FBXO17: variants seen among roughly 807,000 people sequenced by gnomAD.
FBXO17 encodes the protein F-box only protein 17.
In FBXO17, 43 loss-of-function variants were observed where a neutral mutation model predicts 34.1. The ratio of observed to expected loss-of-function variants is 1.26; its 90% CI spans 0.99 to 1.62. The LOEUF is 1.62. Ranked by LOEUF, FBXO17 falls within the 40% of genes most tolerant of loss-of-function variation. The pLI is 0.00. For synonymous variants in FBXO17, 169 were observed against 166.0 expected (o/e 1.02, Z -0.14); for missense variants, 424 against 386.7 (o/e 1.10, Z -0.81).
intron 1 of FBXO17, among the ~76,000 whole-genome samples, chr19:38,971,316 G>A (rs1975388158): frequency 6.6e-6 from 1 of 152,064 alleles, no homozygotes; most frequent in Non-Finnish European, 1.5e-5. Flanking sequence ...AGGAGTCCAC[G>A]TGGGCACCTC....
intron 1 of FBXO17, among the ~76,000 whole-genome samples, chr19:38,974,061 C>T (rs1396299122): frequency 6.8e-6 from 1 of 147,314 alleles, no homozygotes; most frequent in Non-Finnish European, 1.5e-5. Context: ...TATATATACA[C>T]ACATATATAT....
rs748678008 is a variant in FBXO17, at chr19:38,946,451, A to T, written c.557+21T>A. The T allele has an allele frequency of 1.1e-5, 18 of 1,613,534 alleles. No individual in the cohort carries two copies. The East Asian group carries it at 3.6e-4, about 32-fold the overall frequency. The stretch of plus-strand genomic sequence containing the variant: ...GCCAAGCCTGCTGCTGCTCTGGGGC[A>T]GGGTGCCGCTCCTCACTCACCAGTC... On this transcript the variant is annotated intron_variant, in intron 4 of 5. Coordinates refer to ENST00000292852, the MANE Select transcript of FBXO17 (RefSeq NM_024907.7).
At chr19:38,955,484 CTT>C (rs1223708955) in intron 1 of FBXO17, among the ~76,000 whole-genome samples, 9 of 133,674 alleles carry the variant, frequency 6.7e-5, no homozygotes, top group African/African-American at 8.1e-5. Flanking sequence ...TTCTTTCTTT[CTT>C]TTTTTTTTTT....
chr19:38,966,293 T>TTGTGTGTGGGTGTG (rs1975319820), intron 1 of FBXO17, among the ~76,000 whole-genome samples: 1 of 142,942 alleles, frequency 7.0e-6, no homozygotes, highest in African/African-American at 2.6e-5. Flanking sequence ...ATTAAAAATT[T>TTGTGTGTGGGTGTG]TGTGTGTGTG....
intron 1 of FBXO17, among the ~76,000 whole-genome samples, chr19:38,960,547 C>T (rs1397024670): frequency 6.6e-6 from 1 of 152,116 alleles, no homozygotes; most frequent in Non-Finnish European, 1.5e-5. Flanking sequence ...CTCGCTCTGT[C>T]CCCCAGGCTA....
chr19:38,947,967 GGCAAAAGCGACTCCATCTTGGGT>G (rs1241634796), intron 3 of FBXO17, among the ~76,000 whole-genome samples: 5 of 151,268 alleles, frequency 3.3e-5, no homozygotes, highest in Non-Finnish European at 7.4e-5. Flanking sequence ...TCCTTGTGGA[GGCAAAAGCGACTCCATCTTGGGT>G]GCTAATCTGC....
At position 38,971,097 on chromosome 19, in the gene FBXO17, C is replaced by CAAA. The variant is rs36006162; in HGVS notation, c.-18+4486_-18+4488dup. Among the ~76,000 whole-genome samples the CAAA allele has an allele frequency of 1.6e-3, 192 of 122,462 alleles. 3 individuals carry two copies. Among genetic ancestry groups the CAAA allele is most frequent in the African/African-American group, 5.6e-3 (181 of 32,334 alleles). The allele number at this position is 122,462 out of a possible 152,430, so 80.3% of individuals were successfully genotyped here. Reference sequence around the variant, plus strand: ...CTGGGTGACAAAGGAGAGTCCATCTCAAAAAAAAAAAAAAAAAATTCAAAG... The same window carrying CAAA: ...CTGGGTGACAAAGGAGAGTCCATCTCAAAAAAAAAAAAAAAAAAAAATTCAAAG... On this transcript the variant is annotated intron_variant, in intron 1 of 5. Transcript: ENST00000292852.
chr19:38,949,032 C>T (rs373251589), intron 2 of FBXO17, among the ~76,000 whole-genome samples: 3 of 152,152 alleles, frequency 2.0e-5, no homozygotes, highest in African/African-American at 7.2e-5. Flanking sequence ...TGGGCTCAAG[C>T]GATCCTCCCA....
intron 1 of FBXO17, chr19:38,952,884 AC>A (rs1181914441): frequency 4.4e-6 from 2 of 454,316 alleles, no homozygotes. Flanking sequence ...CCAGTGCCCC[AC>A]TCGCATGATC....
chr19:38,974,449 G>C (rs1215986589), intron 1 of FBXO17, among the ~76,000 whole-genome samples: 1 of 151,952 alleles, frequency 6.6e-6, no homozygotes, highest in Non-Finnish European at 1.5e-5. Context: ...ACAGATACTA[G>C]GTATATTTAA....
In FBXO17 at chr19:38,942,683, G is replaced by A. The variant is rs765768513; in HGVS notation, c.762C>T (p.Asp254=). The A allele has an allele frequency of 3.5e-5, 56 of 1,602,684 alleles. No individual in the cohort carries two copies. Among genetic ancestry groups the A allele is most frequent in the Non-Finnish European group, 4.3e-5 (51 of 1,175,750 alleles). ...RYVSFEQYGR[D]VSSWVGHYGA... ...CATAGTGCCCCACCCAGGAACTCAC[G>A]TCTCTCCCGTACTGCTCAAAAGATA... Residue 254 remains aspartate (D), a synonymous_variant, in exon 6 of 6, where the codon GAC becomes GAT. Coordinates refer to ENST00000292852, the MANE Select transcript of FBXO17 (RefSeq NM_024907.7).
chr19:38,944,256 CATTATTATT>C (rs55839664), intron 5 of FBXO17, among the ~76,000 whole-genome samples: 37,336 of 146,508 alleles, frequency 0.25, 5,000 homozygotes, highest in South Asian at 0.36. Flanking sequence ...TGATCTGACT[CATTATTATT>C]ATTATTATTA....
intron 1 of FBXO17, among the ~76,000 whole-genome samples, chr19:38,964,520 A>G (rs1412528416): frequency 6.6e-6 from 1 of 152,044 alleles, no homozygotes; most frequent in Non-Finnish European, 1.5e-5. Context: ...TGTAATCCCA[A>G]CATTTTGGGA....
At chr19:38,949,273 G>A (rs1035953519) in intron 2 of FBXO17, among the ~76,000 whole-genome samples, 1 of 151,776 alleles carries the variant, frequency 6.6e-6, no homozygotes, top group African/African-American at 2.4e-5. Context: ...GGCTAATTTT[G>A]TATTTTAGTA....
At chr19:38,961,241 C>T (rs1195605255) in intron 1 of FBXO17, among the ~76,000 whole-genome samples, 1 of 149,706 alleles carries the variant, frequency 6.7e-6, no homozygotes, top group African/African-American at 2.5e-5. Context: ...TTAATTGTAT[C>T]TGTTTAAAAT....
intron 1 of FBXO17, among the ~76,000 whole-genome samples, chr19:38,966,431 C>A (rs1040422387): frequency 2.6e-5 from 4 of 152,066 alleles, no homozygotes; most frequent in African/African-American, 9.6e-5. Context: ...AGCCACCGAG[C>A]CTGGCCTCAA....
intron 1 of FBXO17, among the ~76,000 whole-genome samples, chr19:38,954,694 C>T (rs533539264): frequency 5.3e-5 from 8 of 150,094 alleles, no homozygotes; most frequent in Admixed American, 3.3e-4. Flanking sequence ...ATTCTCCTGC[C>T]TCAGCCTCCT....
chr19:38,974,852 G>A (rs1056865787), intron 1 of FBXO17, among the ~76,000 whole-genome samples: 3 of 152,134 alleles, frequency 2.0e-5, no homozygotes, highest in East Asian at 1.9e-4. Flanking sequence ...GTTTAAAGGC[G>A]TGTTGTTTTC....
At chr19:38,966,981 T>C (rs1466321794) in intron 1 of FBXO17, among the ~76,000 whole-genome samples, 1 of 152,220 alleles carries the variant, frequency 6.6e-6, no homozygotes, top group Admixed American at 6.5e-5. Context: ...TCTCATGATC[T>C]TGTGTTAAGC....
Sources: gnomAD v4.1 joint callset for allele counts (sites outside exome capture counted in the v4.1 genomes callset) on GRCh38, gnomAD v4.1.1 for gene constraint, MANE v1.5 for transcripts, NCBI Gene and HGNC (gene_info 2026-07-23, HGNC 2026-07-21) for gene names.